The following STK33 variants were observed in gnomAD, a reference collection of about 807,000 sequenced individuals.
STK33 encodes serine/threonine-protein kinase 33.
In STK33, 52 loss-of-function variants were observed where a neutral mutation model predicts 58.0. The ratio of observed to expected loss-of-function variants is 0.90; its 90% CI spans 0.72 to 1.13. The LOEUF is 1.13. Ranked by LOEUF, STK33 falls within the 50% of genes most tolerant of loss-of-function variation. The pLI is 0.00. For missense variants in STK33, 630 were observed against 604.2 expected (o/e 1.04, Z -0.45); for synonymous variants, 215 against 200.1 (o/e 1.07, Z -0.63).
chr11:8,384,541 T>C, the STK33 span, among the ~76,000 whole-genome samples: 1 of 152,236 alleles, frequency 6.6e-6, no homozygotes, highest in African/African-American at 2.4e-5. Context: ...ACGCTCCTTG[T>C]TCACTTTTAT....
intron 1 of STK33, among the ~76,000 whole-genome samples, chr11:8,590,141 A>G (rs1321322308): frequency 6.6e-6 from 1 of 152,236 alleles, no homozygotes; most frequent in East Asian, 1.9e-4. Flanking sequence ...AGAACTTTCA[A>G]TAACCAACAT....
At chr11:8,576,186 C>T (rs562684287) in intron 1 of STK33, among the ~76,000 whole-genome samples, 2 of 152,114 alleles carry the variant, frequency 1.3e-5, no homozygotes, top group Non-Finnish European at 2.9e-5. Context: ...AACAGCAGAA[C>T]TTTCCTAATC....
intron 1 of STK33, among the ~76,000 whole-genome samples, chr11:8,481,914 T>C (rs1949835594): frequency 6.6e-6 from 1 of 152,252 alleles, no homozygotes; most frequent in Non-Finnish European, 1.5e-5. Context: ...ACATTATTAT[T>C]AATATCTTCA....
At chr11:8,385,899 C>T in the STK33 span, among the ~76,000 whole-genome samples, 5 of 152,130 alleles carry the variant, frequency 3.3e-5, no homozygotes, top group South Asian at 1.0e-3. Flanking sequence ...CTCAGCCTCC[C>T]GAGTAGCTGG....
chr11:8,521,235 G>T (rs1317157918), intron 1 of STK33, among the ~76,000 whole-genome samples: 1 of 151,882 alleles, frequency 6.6e-6, no homozygotes, highest in Non-Finnish European at 1.5e-5. Flanking sequence ...ACTATATAAG[G>T]CTACAGTAAC....
chr11:8,536,973 T>A (rs1955069861), intron 1 of STK33, among the ~76,000 whole-genome samples: 4 of 6,198 alleles, frequency 6.5e-4, no homozygotes, highest in Non-Finnish European at 2.6e-3. Context: ...AAAAAAAAGA[T>A]TTTTTTTTTT....
At chr11:8,537,313 C>G (rs1955112349) in intron 1 of STK33, among the ~76,000 whole-genome samples, 1 of 152,022 alleles carries the variant, frequency 6.6e-6, no homozygotes. Flanking sequence ...TGGTCTGAAA[C>G]CCCTGGCCTC....
chr11:8,395,338 C>A (rs1849151500), intron 15 of STK33, among the ~76,000 whole-genome samples: 2 of 152,214 alleles, frequency 1.3e-5, no homozygotes, highest in South Asian at 2.1e-4. Context: ...TTCCCCTGCA[C>A]ACATTCTCTT....
chr11:8,394,734 T>C (rs1240378624), intron 15 of STK33, among the ~76,000 whole-genome samples: 1 of 152,180 alleles, frequency 6.6e-6, no homozygotes. Context: ...CTTGAGATCA[T>C]TATTAAAGTC....
chr11:8,451,426 T>A (rs907893877), intron 11 of STK33, among the ~76,000 whole-genome samples: 1 of 152,084 alleles, frequency 6.6e-6, no homozygotes, highest in African/African-American at 2.4e-5. Flanking sequence ...TACAGATACA[T>A]GCTACAACAT....
chr11:8,541,117 C>A (rs962617803), intron 1 of STK33, among the ~76,000 whole-genome samples: 1 of 151,440 alleles, frequency 6.6e-6, no homozygotes, highest in Non-Finnish European at 1.5e-5. Flanking sequence ...CAATTAAGGA[C>A]CTCTAAAGAA....
intron 1 of STK33, among the ~76,000 whole-genome samples, chr11:8,496,347 T>C (rs2138925652): frequency 6.6e-6 from 1 of 152,344 alleles, no homozygotes; most frequent in East Asian, 1.9e-4. Flanking sequence ...TACATGTATT[T>C]GTAAATTATT....
chr11:8,581,295 TA>T (rs1565413683), intron 1 of STK33, among the ~76,000 whole-genome samples: 1 of 152,140 alleles, frequency 6.6e-6, no homozygotes, highest in Non-Finnish European at 1.5e-5. Flanking sequence ...TGGAAATGTA[TA>T]TTTCTGCATA....
intron 1 of STK33, among the ~76,000 whole-genome samples, chr11:8,526,281 A>C (rs1008104266): frequency 5.3e-5 from 8 of 151,838 alleles, no homozygotes; most frequent in Admixed American, 1.3e-4. Flanking sequence ...AATCCCAGCT[A>C]CTCGGGAGGC....
intron 1 of STK33, among the ~76,000 whole-genome samples, chr11:8,520,139 TC>T (rs1252101693): frequency 6.6e-6 from 1 of 152,162 alleles, no homozygotes; most frequent in Non-Finnish European, 1.5e-5. Flanking sequence ...AAAAAGCTTA[TC>T]CACCATGATC....
intron 14 of STK33, among the ~76,000 whole-genome samples, chr11:8,424,784 CTTCTT>C (rs1418992807): frequency 7.3e-6 from 1 of 136,188 alleles, no homozygotes; most frequent in Non-Finnish European, 1.6e-5. Context: ...GCATAAATGT[CTTCTT>C]TTGAGAAGTG....
At chr11:8,395,151 T>C (rs1849117510) in intron 15 of STK33, among the ~76,000 whole-genome samples, 1 of 152,212 alleles carries the variant, frequency 6.6e-6, no homozygotes, top group Non-Finnish European at 1.5e-5. Flanking sequence ...ATCTAATTCA[T>C]TGATGCGGTT....
chr11:8,365,207 G>A, the STK33 span, among the ~76,000 whole-genome samples: 1 of 152,216 alleles, frequency 6.6e-6, no homozygotes, highest in Non-Finnish European at 1.5e-5. Flanking sequence ...CCTGCCTTGA[G>A]GTGCAGTTGC....
intron 1 of STK33, among the ~76,000 whole-genome samples, chr11:8,590,088 G>A (rs1036466013): frequency 6.6e-6 from 1 of 152,146 alleles, no homozygotes; most frequent in Admixed American, 6.6e-5. Flanking sequence ...TGAGCTCTGT[G>A]GTAGACAAGC....
Sources: gnomAD v4.1 joint callset for allele counts (sites outside exome capture counted in the v4.1 genomes callset) on GRCh38, gnomAD v4.1.1 for gene constraint, MANE v1.5 for transcripts, NCBI Gene and HGNC (gene_info 2026-07-23, HGNC 2026-07-21) for gene names.